The following RTP2 variants were observed in gnomAD, a reference collection of about 807,000 sequenced individuals.
The protein encoded by RTP2 is receptor-transporting protein 2.
In RTP2, 12 loss-of-function variants were observed where a neutral mutation model predicts 17.9. That is an observed-to-expected ratio of 0.67 (90% confidence interval 0.43 to 1.09). RTP2 has a LOEUF of 1.09. RTP2 is among the 50% of genes least tolerant of loss of function. RTP2 has a pLI of 0.00. For synonymous variants in RTP2, 126 were observed against 117.7 expected, an observed-to-expected ratio of 1.07 and a Z score of -0.46; for missense variants, 327 against 295.7, an observed-to-expected ratio of 1.11 and a Z score of -0.78.
At chr3:187,705,636 G>T (rs183108715), upstream of RTP2, among the ~76,000 whole-genome samples, 25 of 152,202 alleles carry the variant, frequency 1.6e-4, no homozygotes, top group African/African-American at 6.0e-4. Flanking sequence ...TAAATAGAAC[G>T]AATTTTACCT....
chr3:187,700,640 T>C (rs1717821069), intron 1 of RTP2, among the ~76,000 whole-genome samples: 1 of 152,222 alleles, frequency 6.6e-6, no homozygotes, highest in African/African-American at 2.4e-5. Flanking sequence ...CAGAATTGCT[T>C]CACCTACATC....
the RTP2 span, among the ~76,000 whole-genome samples, chr3:187,707,594 A>C: frequency 6.6e-6 from 1 of 152,226 alleles, no homozygotes; most frequent in African/African-American, 2.4e-5. Flanking sequence ...ATCACACAGA[A>C]GAGTGATGGA....
intron 1 of RTP2, 71 bp downstream of exon 1, chr3:187,701,894 C>A: frequency 7.0e-7 from 1 of 1,420,708 alleles, no homozygotes; most frequent in Non-Finnish European, 9.4e-7. Flanking sequence ...GGCTCTGTCT[C>A]TCCTTGGAAA....
At chr3:187,709,772 T>G in the RTP2 span, among the ~76,000 whole-genome samples, 1 of 152,216 alleles carries the variant, frequency 6.6e-6, no homozygotes, top group Non-Finnish European at 1.5e-5. Flanking sequence ...AAAAAAATGT[T>G]AACATGATGT....
At chr3:187,712,017 G>A in the RTP2 span, among the ~76,000 whole-genome samples, 102 of 152,342 alleles carry the variant, frequency 6.7e-4, no homozygotes, top group African/African-American at 2.4e-3. Context: ...TAAAAGGGTA[G>A]CACAAATGGT....
At chr3:187,701,853 C>T (rs1717856169) in intron 1 of RTP2, 112 bp downstream of exon 1, 3 of 957,968 alleles carry the variant, frequency 3.1e-6, no homozygotes, top group Non-Finnish European at 4.5e-6. Context: ...TTTTCCCCAT[C>T]TGAGCTGACA....
the RTP2 span, among the ~76,000 whole-genome samples, chr3:187,712,159 C>T: frequency 6.6e-6 from 1 of 151,994 alleles, no homozygotes; most frequent in Non-Finnish European, 1.5e-5. Context: ...GCATGTAAAA[C>T]GATGTAAGTC....
At chr3:187,698,548 G>A in exon 2 of RTP2, 2 of 1,614,102 alleles carry the variant, frequency 1.2e-6, no homozygotes, top group South Asian at 1.1e-5. Flanking sequence ...ACAACGAGCA[G>A]GCAGAGAGAG....
At chr3:187,709,600 G>A in the RTP2 span, among the ~76,000 whole-genome samples, 3 of 152,250 alleles carry the variant, frequency 2.0e-5, no homozygotes, top group South Asian at 2.1e-4. Flanking sequence ...CAGGAGAATC[G>A]TGTGAACCCA....
At chr3:187,700,397 A>C (rs1717815050) in intron 1 of RTP2, among the ~76,000 whole-genome samples, 1 of 152,210 alleles carries the variant, frequency 6.6e-6, no homozygotes, top group African/African-American at 2.4e-5. Flanking sequence ...AAATAAGCTC[A>C]TGGGCAGCAG....
the RTP2 span, among the ~76,000 whole-genome samples, chr3:187,711,435 G>C: frequency 6.6e-6 from 1 of 152,172 alleles, no homozygotes; most frequent in Non-Finnish European, 1.5e-5. Context: ...TGACCCATGA[G>C]TTGTTTTGAA....
chr3:187,714,379 T>C, the RTP2 span, among the ~76,000 whole-genome samples: 4 of 152,180 alleles, frequency 2.6e-5, no homozygotes, highest in Non-Finnish European at 5.9e-5. Context: ...CAAGTAGATC[T>C]CCGAAAGAAA....
chr3:187,715,298 G>C, the RTP2 span, among the ~76,000 whole-genome samples: 2 of 152,206 alleles, frequency 1.3e-5, no homozygotes, highest in Non-Finnish European at 2.9e-5. Context: ...TCAGTGATGA[G>C]TTCAGATGCT....
upstream of RTP2, among the ~76,000 whole-genome samples, chr3:187,706,762 C>G (rs1334115440): frequency 6.6e-6 from 1 of 152,080 alleles, no homozygotes; most frequent in Non-Finnish European, 1.5e-5. Context: ...ACCAGCACAC[C>G]TGGCTGATTT....
upstream of RTP2, among the ~76,000 whole-genome samples, chr3:187,704,074 C>G (rs958029022): frequency 3.9e-5 from 6 of 152,172 alleles, no homozygotes; most frequent in African/African-American, 1.4e-4. Flanking sequence ...ATATTGTGTA[C>G]AGCTGTGGCC....
At position 187,702,500 on chromosome 3, in the gene RTP2, C is replaced by T. The variant is rs1195667156; in HGVS notation, c.-372G>A. On this transcript the variant is annotated 5_prime_UTR_variant, in exon 1 of 2. It adds an upstream start codon to the 5' untranslated region. Coordinates refer to ENST00000358241, the Ensembl canonical transcript of RTP2. ...AGGACTATTTGGTGGCCCTGCTTCA[C>T]CCAACTGCTCTTCTAGCATTCTCCA... 6.4e-6 allele frequency: 3 copies of T among 467,072 alleles called. No homozygotes were observed. The highest frequency in any genetic ancestry group is 5.9e-5 in the African/African-American group (3 of 50,558). 28.9% of individuals were successfully genotyped at this position (467,072 alleles called of 1,614,324 possible).
the RTP2 span, among the ~76,000 whole-genome samples, chr3:187,712,160 G>A: frequency 2.0e-5 from 3 of 152,038 alleles, no homozygotes; most frequent in African/African-American, 4.8e-5. Flanking sequence ...CATGTAAAAC[G>A]ATGTAAGTCT....
upstream of RTP2, among the ~76,000 whole-genome samples, chr3:187,702,840 G>T (rs1459716025): frequency 6.6e-6 from 1 of 152,212 alleles, no homozygotes; most frequent in Non-Finnish European, 1.5e-5. Flanking sequence ...TTTGCCCAGG[G>T]CAATCTTAGA....
intron 1 of RTP2, 55 bp downstream of exon 1, chr3:187,701,910 C>T: frequency 6.7e-7 from 1 of 1,491,548 alleles, no homozygotes; most frequent in Non-Finnish European, 9.0e-7. Flanking sequence ...GGAAAGTACC[C>T]CACAGCTGTG....
Sources: allele counts gnomAD v4.1 joint callset (sites outside exome capture counted in the v4.1 genomes callset), GRCh38; gene constraint gnomAD v4.1.1; transcripts MANE v1.5; gene names NCBI Gene and HGNC (gene_info 2026-07-23, HGNC 2026-07-21).